The following LHFPL4 variants were observed in gnomAD, a reference collection of about 807,000 sequenced individuals.
The protein encoded by LHFPL4 is LHFPL tetraspan subfamily member 4 protein.
A neutral mutation model predicts 20.0 loss-of-function variants in LHFPL4; 6 were observed. That is an observed-to-expected ratio of 0.30 (90% confidence interval 0.16 to 0.59). LHFPL4 has a LOEUF of 0.59. Ranked by LOEUF, LHFPL4 falls within the 20% of genes least tolerant of loss-of-function variation. The probability of loss-of-function intolerance (pLI) is 0.88; values close to 1 mark genes in which losing one functional copy is unlikely to be tolerated. For missense variants in LHFPL4, 215 were observed against 331.2 expected, an observed-to-expected ratio of 0.65 and a Z score of 2.72; for synonymous variants, 129 against 143.8, an observed-to-expected ratio of 0.90 and a Z score of 0.74.
At chr3:9,540,450 T>A (rs2046470107) in intron 2 of LHFPL4, among the ~76,000 whole-genome samples, 1 of 152,202 alleles carries the variant, frequency 6.6e-6, no homozygotes. Context: ...ACTTACTTCT[T>A]GTAATAGAGT....
intron 3 of LHFPL4, among the ~76,000 whole-genome samples, chr3:9,504,383 A>G (rs1421120335): frequency 2.0e-5 from 3 of 147,844 alleles, no homozygotes; most frequent in Admixed American, 7.0e-5. Context: ...GTCTCAAGGA[A>G]AAAAAAAAAA....
chr3:9,504,573 C>T (rs1181296664), intron 3 of LHFPL4, among the ~76,000 whole-genome samples: 1 of 152,132 alleles, frequency 6.6e-6, no homozygotes, highest in Non-Finnish European at 1.5e-5. Context: ...CACCTGTAAT[C>T]CCAGCACTTT....
Position 9,502,023 on chromosome 3 carries a change from G to A in LHFPL4, c.*188C>T, listed in dbSNP as rs2046180081. ...AAGAATTAGACCCTCCCAAGGTTTG[G>A]AGGGCCTCTCCTCTCCCCCAGGCCA... is the stretch of plus-strand genomic sequence containing the variant. On this transcript the variant is annotated 3_prime_UTR_variant, in exon 4 of 4. Coordinates refer to ENST00000287585, the MANE Select transcript of LHFPL4 (RefSeq NM_198560.3). 3.3e-6 allele frequency: 2 copies of A among 612,990 alleles called. No homozygotes were observed. Among genetic ancestry groups the A allele is most frequent in the Non-Finnish European group, 5.9e-6 (2 of 339,094 alleles). The allele number at this position is 612,990 out of a possible 1,614,324, so 38.0% of individuals were successfully genotyped here.
In LHFPL4 at chr3:9,544,772, T is replaced by C. The variant is rs182658200; in HGVS notation, c.406+7502A>G. Among the ~76,000 whole-genome samples the C allele has an allele frequency of 9.0e-4, 137 of 152,294 alleles. 1 individual carries two copies. In the South Asian group the frequency reaches 9.1e-3, roughly 10 times the overall value. On this transcript the variant is annotated intron_variant, in intron 2 of 3. Transcript: ENST00000287585. ...GTTGCTTAGAGTCCCCAGATACAGC[T>C]ACTATTCCCACCTCCATGCCTGTGA...
chr3:9,547,412 C>A (rs767508162), intron 2 of LHFPL4, among the ~76,000 whole-genome samples: 2 of 152,250 alleles, frequency 1.3e-5, no homozygotes, highest in Non-Finnish European at 2.9e-5. Context: ...ACCGGGCCCA[C>A]AGGTAACATT....
chr3:9,512,107 T>G (rs1469445450), intron 2 of LHFPL4, among the ~76,000 whole-genome samples: 2 of 152,192 alleles, frequency 1.3e-5, no homozygotes, highest in Non-Finnish European at 2.9e-5. Flanking sequence ...TAATTATTTG[T>G]ATTTTTAGTA....
chr3:9,528,606 G>A (rs1559519983), intron 2 of LHFPL4, among the ~76,000 whole-genome samples: 2 of 152,020 alleles, frequency 1.3e-5, no homozygotes, highest in East Asian at 1.9e-4. Context: ...AATCACCAAT[G>A]TTCCATTTAT....
rs188202950 is a variant in LHFPL4 at position 9,525,207 on chromosome 3, G to A, written c.407-19004C>T. Among the ~76,000 whole-genome samples, 140 of 152,254 alleles carry A rather than the reference G, an allele frequency of 9.2e-4. 1 individual carries two copies. In the South Asian group the frequency reaches 9.3e-3, roughly 10 times the overall value. On this transcript the variant is annotated intron_variant, in intron 2 of 3. Coordinates refer to ENST00000287585, the MANE Select transcript of LHFPL4 (RefSeq NM_198560.3). The stretch of plus-strand genomic sequence containing the variant: ...AGGGGATTTTTCTTCAATATTCACC[G>A]TAAGAACTTGGTAGAGCTTCAGGAA...
At chr3:9,532,643 T>A (rs2259100) in intron 2 of LHFPL4, among the ~76,000 whole-genome samples, 2 of 152,074 alleles carry the variant, frequency 1.3e-5, no homozygotes, top group Non-Finnish European at 2.9e-5. Context: ...CCTATGCTTA[T>A]CTTTTTAATA....
chr3:9,544,355 GTGGCTCATGCC>G (rs1415506433), intron 2 of LHFPL4, among the ~76,000 whole-genome samples: 1 of 152,020 alleles, frequency 6.6e-6, no homozygotes. Context: ...GTCAGGCATG[GTGGCTCATGCC>G]TGTATCCCAG....
At chr3:9,523,330 G>T (rs868568833) in intron 2 of LHFPL4, among the ~76,000 whole-genome samples, 1 of 151,164 alleles carries the variant, frequency 6.6e-6, no homozygotes, top group Non-Finnish European at 1.5e-5. Context: ...GCAGTGAGTG[G>T]AGATCGCGCC....
chr3:9,532,481 G>A (rs924289370), intron 2 of LHFPL4, among the ~76,000 whole-genome samples: 1 of 151,938 alleles, frequency 6.6e-6, no homozygotes, highest in African/African-American at 2.4e-5. Context: ...GCTGGGACTA[G>A]AGGCACAAGC....
At chr3:9,515,244 T>C (rs1023141428) in intron 2 of LHFPL4, among the ~76,000 whole-genome samples, 1 of 152,244 alleles carries the variant, frequency 6.6e-6, no homozygotes, top group African/African-American at 2.4e-5. Flanking sequence ...ATTTCCCAGA[T>C]GCATATGATG....
intron 2 of LHFPL4, among the ~76,000 whole-genome samples, chr3:9,535,187 T>C (rs2046437614): frequency 6.6e-6 from 1 of 152,238 alleles, no homozygotes; most frequent in Non-Finnish European, 1.5e-5. Flanking sequence ...ACACACAACA[T>C]AATTTCTTTT....
At chr3:9,549,489 A>G (rs1238261631) in intron 2 of LHFPL4, among the ~76,000 whole-genome samples, 1 of 152,178 alleles carries the variant, frequency 6.6e-6, no homozygotes, top group Non-Finnish European at 1.5e-5. Flanking sequence ...TGAGGTCAGG[A>G]GTTTGAGACT....
At chr3:9,513,425 G>A (rs113557628) in intron 2 of LHFPL4, among the ~76,000 whole-genome samples, 68 of 152,204 alleles carry the variant, frequency 4.5e-4, no homozygotes, top group African/African-American at 1.4e-3. Flanking sequence ...TCGAACTCCT[G>A]GGTTCAGGTG....
intron 2 of LHFPL4, among the ~76,000 whole-genome samples, chr3:9,546,954 G>A (rs150623190): frequency 2.6e-5 from 4 of 152,286 alleles, no homozygotes; most frequent in African/African-American, 9.6e-5. Flanking sequence ...GTTGGAAAGT[G>A]GAAGAGCAGG....
chr3:9,540,103 T>G (rs2046468187), intron 2 of LHFPL4, among the ~76,000 whole-genome samples: 1 of 152,218 alleles, frequency 6.6e-6, no homozygotes, highest in East Asian at 1.9e-4. Context: ...TCTAGGGCTT[T>G]ATCCTTATAC....
At chr3:9,551,465 C>T (rs1016041787) in intron 2 of LHFPL4, among the ~76,000 whole-genome samples, 14 of 152,252 alleles carry the variant, frequency 9.2e-5, no homozygotes, top group African/African-American at 2.9e-4. Flanking sequence ...AAGTGGGGGA[C>T]TCTAATGGAT....
Sources: gnomAD v4.1 joint callset for allele counts (sites outside exome capture counted in the v4.1 genomes callset) on GRCh38, gnomAD v4.1.1 for gene constraint, MANE v1.5 for transcripts, NCBI Gene and HGNC (gene_info 2026-07-23, HGNC 2026-07-21) for gene names.